CLASP2: variants seen among roughly 807,000 people sequenced by gnomAD.
CLASP2 encodes cytoplasmic linker associated protein 2.
Under a neutral mutation model 194.4 loss-of-function variants are expected in CLASP2, and 47 were observed. The ratio of observed to expected loss-of-function variants is 0.24; its 90% confidence interval spans 0.19 to 0.31. CLASP2 has a LOEUF of 0.31. Ranked by LOEUF, CLASP2 falls within the 10% of genes least tolerant of loss-of-function variation. The pLI, the probability that CLASP2 is intolerant of heterozygous loss-of-function variation, is 1.00. For missense variants in CLASP2, 1,445 were observed against 1,823.6 expected (o/e 0.79, Z 3.78); for synonymous variants, 619 against 633.5 (o/e 0.98, Z 0.34).
At position 33,535,232 on chromosome 3, in the gene CLASP2, C is replaced by A; in HGVS notation, c.3787+1G>T. 1 of 1,608,100 alleles carries A rather than the reference C, an allele frequency of 6.2e-7. No individual in the cohort carries two copies. On this transcript the variant is annotated splice_donor_variant, in intron 34 of 38. Transcript: ENST00000682230. LOFTEE classifies it high-confidence loss of function. ...CAGTAGCAGTGTGACCCAGAACATA[C>A]CGTCAGGAAACTGGTCAGCATCATC...
At chr3:33,669,667 T>C (rs1377045924) in intron 6 of CLASP2, among the ~76,000 whole-genome samples, 18 of 151,224 alleles carry the variant, frequency 1.2e-4, no homozygotes, top group Admixed American at 1.2e-3. Flanking sequence ...GATTAAATGG[T>C]GCTTCTCTCT....
chr3:33,514,847 A>G (rs556125699), intron 36 of CLASP2, among the ~76,000 whole-genome samples: 27 of 152,094 alleles, frequency 1.8e-4, no homozygotes, highest in Admixed American at 3.3e-4. Context: ...CACCATGTGT[A>G]TGTGTATATA....
At chr3:33,706,231 G>C (rs1319436189) in intron 1 of CLASP2, among the ~76,000 whole-genome samples, 3 of 152,098 alleles carry the variant, frequency 2.0e-5, no homozygotes, top group African/African-American at 7.2e-5. Context: ...CTGGGCAACA[G>C]AGTGAGATCC....
intron 14 of CLASP2, 69 bp from the exon 15 acceptor site, chr3:33,607,530 C>T: frequency 3.9e-6 from 4 of 1,038,036 alleles, no homozygotes; most frequent in Non-Finnish European, 4.2e-6. Flanking sequence ...GTACTTAAGG[C>T]CTATATGTTA....
At chr3:33,570,558 C>T (rs1452885441) in intron 26 of CLASP2, 169 bp downstream of exon 26, 6 of 784,816 alleles carry the variant, frequency 7.6e-6, no homozygotes, top group Non-Finnish European at 1.2e-5. Flanking sequence ...CAAATAGTTA[C>T]CAGAGATTAA....
In CLASP2 at chr3:33,675,566, A is replaced by T. The variant is rs1459093799; in HGVS notation, c.644+8793T>A. On this transcript the variant is annotated intron_variant, in intron 6 of 38. Coordinates refer to ENST00000682230, the MANE Select transcript of CLASP2 (RefSeq NM_001365631.1). ...CTCTCTCACCACTCCTATTCAACATAGTGTTGGAAGTTCTGGCCAGGGCAA... is the reference window on the plus strand; with the variant it reads ...CTCTCTCACCACTCCTATTCAACATTGTGTTGGAAGTTCTGGCCAGGGCAA... Among the ~76,000 whole-genome samples the T allele has an allele frequency of 4.0e-3, 598 of 149,576 alleles. 2 individuals carry two copies. Among genetic ancestry groups the T allele is most frequent in the Non-Finnish European group, 6.0e-3 (403 of 67,454 alleles).
At chr3:33,652,236 A>ATCCTTCCTTGTTCTAAT (rs2083344319) in intron 7 of CLASP2, among the ~76,000 whole-genome samples, 1 of 152,200 alleles carries the variant, frequency 6.6e-6, no homozygotes, top group South Asian at 2.1e-4. Context: ...TTGAAGCTGT[A>ATCCTTCCTTGTTCTAAT]TCCTTCCTTG....
chr3:33,680,470 C>T (rs995746862), intron 6 of CLASP2, among the ~76,000 whole-genome samples: 1 of 152,196 alleles, frequency 6.6e-6, no homozygotes, highest in East Asian at 1.9e-4. Flanking sequence ...TACAGGAAAT[C>T]TCTGTACCTT....
At chr3:33,529,905 G>A (rs1180009449) in intron 34 of CLASP2, among the ~76,000 whole-genome samples, 1 of 150,918 alleles carries the variant, frequency 6.6e-6, no homozygotes, top group Non-Finnish European at 1.5e-5. Context: ...GTGAACCCGG[G>A]AGGCGGAGCT....
chr3:33,599,105 T>G (rs1335388098), intron 18 of CLASP2, among the ~76,000 whole-genome samples: 1 of 55,370 alleles, frequency 1.8e-5, no homozygotes, highest in Admixed American at 2.5e-4. Context: ...TGTTGTTGTC[T>G]TATTTATTTA....
chr3:33,654,508 G>C (rs754026910), intron 7 of CLASP2, among the ~76,000 whole-genome samples: 12 of 152,028 alleles, frequency 7.9e-5, no homozygotes, highest in Admixed American at 7.9e-4. Flanking sequence ...AACCCAGGAA[G>C]TTCAATATCT....
rs2046848993 is a variant in CLASP2, at chr3:33,501,524, G to C, written c.4434+128C>G. 5 of 596,854 alleles carry C rather than the reference G, an allele frequency of 8.4e-6. No homozygotes were observed. In the South Asian group the frequency reaches 1.1e-4, roughly 13 times the overall value. The allele number at this position is 596,854 out of a possible 1,614,324, so 37.0% of individuals were successfully genotyped here. On this transcript the variant is annotated intron_variant, in intron 38 of 38. Transcript: ENST00000682230. The stretch of plus-strand genomic sequence containing the variant: ...ATAAAATACAAAACAGAAATAATAA[G>C]GGCAAGTTGGATGCTCAAAGCCTGA...
intron 37 of CLASP2, among the ~76,000 whole-genome samples, chr3:33,508,281 A>G (rs1259622195): frequency 6.6e-6 from 1 of 152,066 alleles, no homozygotes; most frequent in African/African-American, 2.4e-5. Flanking sequence ...GGCTTCCCAA[A>G]GTGCTAGGAT....
chr3:33,687,598 T>C (rs984369333), intron 4 of CLASP2, among the ~76,000 whole-genome samples: 1 of 152,150 alleles, frequency 6.6e-6, no homozygotes, highest in Admixed American at 6.5e-5. Context: ...TGAGTACACT[T>C]ATAGGCTCTA....
At chr3:33,627,236 A>G in intron 9 of CLASP2, 156 bp from the exon 10 acceptor site, 1 of 648,282 alleles carries the variant, frequency 1.5e-6, no homozygotes, top group East Asian at 2.9e-5. Context: ...AGACAATAAT[A>G]ACACAAAATG....
chr3:33,698,048 C>T (rs891915981), intron 1 of CLASP2, among the ~76,000 whole-genome samples: 2 of 152,108 alleles, frequency 1.3e-5, no homozygotes, highest in African/African-American at 4.8e-5. Context: ...CCACTGGACA[C>T]TCTTAAGACT....
chr3:33,506,579 G>T (rs1429785079), intron 37 of CLASP2, among the ~76,000 whole-genome samples: 2 of 151,828 alleles, frequency 1.3e-5, no homozygotes, highest in Non-Finnish European at 2.9e-5. Context: ...CAGCTCAATG[G>T]TTGCTTAAGT....
At chr3:33,611,045 C>T (rs910836066) in intron 13 of CLASP2, among the ~76,000 whole-genome samples, 12 of 152,060 alleles carry the variant, frequency 7.9e-5, no homozygotes, top group African/African-American at 2.9e-4. Context: ...TGTGTTACAA[C>T]ACACACACAT....
At chr3:33,500,157 C>T (rs1215838944) in intron 38 of CLASP2, among the ~76,000 whole-genome samples, 1 of 152,082 alleles carries the variant, frequency 6.6e-6, no homozygotes, top group Admixed American at 6.6e-5. Flanking sequence ...CTCAGCCTCC[C>T]AAGTAGCTGG....
Sources: gnomAD v4.1 joint callset for allele counts (sites outside exome capture counted in the v4.1 genomes callset) on GRCh38, gnomAD v4.1.1 for gene constraint, MANE v1.5 for transcripts, NCBI Gene and HGNC (gene_info 2026-07-23, HGNC 2026-07-21) for gene names.